The following UTY variants were observed in gnomAD, a reference collection of about 807,000 sequenced individuals.
UTY encodes ubiquitously transcribed tetratricopeptide repeat containing, Y-linked.
Under a neutral mutation model 32.5 loss-of-function variants are expected in UTY, and 12 were observed. That is an observed-to-expected ratio of 0.37 (90% CI 0.24 to 0.60). The LOEUF (loss-of-function observed/expected upper bound fraction) is 0.60. UTY is among the 20% of genes least tolerant of loss of function. UTY has a pLI of 0.69. For synonymous variants in UTY, 131 were observed against 103.4 expected (o/e 1.27, Z -1.62); for missense variants, 303 against 299.2 (o/e 1.01, Z -0.09).
At chrY:13,472,289 T>C (rs747914791) in intron 2 of UTY, among the ~76,000 whole-genome samples, 15 of 30,713 alleles carry the variant, frequency 4.9e-4, no homozygotes, top group African/African-American at 1.9e-3. Flanking sequence ...AGACACATAA[T>C]AGTCAAAAAG....
chrY:13,281,917 C>T (rs746166954), intron 27 of UTY, among the ~76,000 whole-genome samples: 112 of 33,175 alleles, frequency 3.4e-3, no homozygotes, highest in African/African-American at 0.012. Context: ...CCAAATGGAC[C>T]TGACATATAT....
intron 8 of UTY, among the ~76,000 whole-genome samples, chrY:13,375,538 A>G: frequency 2.9e-5 from 1 of 33,947 alleles, no homozygotes; most frequent in Non-Finnish European, 7.4e-5. Context: ...TCTCATTACT[A>G]TCCTTACAGT....
chrY:13,394,953 C>T (rs762847740), intron 7 of UTY, among the ~76,000 whole-genome samples: 1 of 33,000 alleles, frequency 3.0e-5, no homozygotes, highest in Admixed American at 2.8e-4. Context: ...CAGTAAGTTC[C>T]CCCATATCTA....
chrY:13,407,306 C>A (rs759865938), intron 6 of UTY, among the ~76,000 whole-genome samples: 1 of 32,271 alleles, frequency 3.1e-5, no homozygotes, highest in Non-Finnish European at 7.7e-5. Context: ...AAAAGTCGCT[C>A]TAAAATGGAA....
intron 17 of UTY, among the ~76,000 whole-genome samples, chrY:13,352,598 T>C (rs2062503147): frequency 3.0e-5 from 1 of 33,656 alleles, no homozygotes; most frequent in Non-Finnish European, 7.4e-5. Flanking sequence ...CCTGAGCCAC[T>C]GTACCAAGCC....
rs772250198 is a variant in UTY at position 13,323,651 on chromosome Y, T to C, written c.3180A>G (p.Gly1060=). The change falls in exon 21 of 30, where the codon GGA becomes GGG. Residue 1060 remains glycine, a synonymous_variant. Transcript: ENST00000545955. ...TTTCACAACGCCAGATTTTCTTTGT[T>C]CCAGTGGGATCCCAGTTTTCATCTG... The part of the protein sequence containing the change: ...QPADENWDPT[G]TKKIWRCESN... 5.0e-6 allele frequency: 2 copies of C among 397,995 alleles called. No homozygotes were observed. Among genetic ancestry groups the C allele is most frequent in the South Asian group, 5.9e-5 (2 of 33,752 alleles).
intron 6 of UTY, among the ~76,000 whole-genome samples, chrY:13,398,407 T>C: frequency 1.5e-4 from 5 of 33,350 alleles, no homozygotes; most frequent in Admixed American, 1.4e-3. Flanking sequence ...TTACGTCATA[T>C]GCAAAAGTTA....
chrY:13,454,203 A>C (rs927863921), intron 3 of UTY, among the ~76,000 whole-genome samples: 5 of 33,288 alleles, frequency 1.5e-4, no homozygotes, highest in Admixed American at 2.7e-4. Flanking sequence ...GCTGTGAGCC[A>C]AGATCACGTC....
intron 3 of UTY, among the ~76,000 whole-genome samples, chrY:13,464,765 G>A (rs2077738916): frequency 6.5e-5 from 2 of 30,654 alleles, no homozygotes; most frequent in Non-Finnish European, 1.6e-4. Context: ...CACCAGCCTC[G>A]TTGACAGAGT....
At chrY:13,368,681 A>G in intron 9 of UTY, among the ~76,000 whole-genome samples, 8 of 32,687 alleles carry the variant, frequency 2.4e-4, no homozygotes, top group Admixed American at 2.0e-3. Flanking sequence ...ATCTTTATAC[A>G]GATGGTGAGA....
At chrY:13,276,025 ATTTG>A (rs2056654655) in intron 27 of UTY, among the ~76,000 whole-genome samples, 2 of 33,587 alleles carry the variant, frequency 6.0e-5, no homozygotes, top group African/African-American at 1.2e-4. Flanking sequence ...CAGACAGACC[ATTTG>A]AAGTCAGGAG....
chrY:13,264,607 G>GT (rs2055594352), intron 27 of UTY, among the ~76,000 whole-genome samples: 4 of 32,309 alleles, frequency 1.2e-4, no homozygotes, highest in Admixed American at 2.8e-4. Flanking sequence ...ACTTTTTGAA[G>GT]TTTTTTTTTC....
intron 27 of UTY, among the ~76,000 whole-genome samples, chrY:13,292,898 G>A (rs2057836258): frequency 3.0e-5 from 1 of 32,826 alleles, no homozygotes; most frequent in Non-Finnish European, 7.5e-5. Context: ...AAAAATCCTC[G>A]GTAAAATACT....
chrY:13,365,850 CTAAT>C, intron 10 of UTY, among the ~76,000 whole-genome samples: 1 of 32,788 alleles, frequency 3.0e-5, no homozygotes, highest in East Asian at 7.8e-4. Flanking sequence ...TAATTGGGAA[CTAAT>C]TAATTAATTA....
chrY:13,479,155 T>C, intron 2 of UTY, 99 bp downstream of exon 2: 1 of 251,751 alleles, frequency 4.0e-6, no homozygotes, highest in Non-Finnish European at 6.3e-6. Flanking sequence ...CCCTTGGCCA[T>C]GGAGCAGAGC....
chrY:13,327,443 CT>C (rs2060326860), intron 18 of UTY, among the ~76,000 whole-genome samples: 2 of 33,579 alleles, frequency 6.0e-5, no homozygotes, highest in African/African-American at 2.3e-4. Context: ...AAAAATGAAA[CT>C]TTGAAATGCA....
At chrY:13,290,960 A>G in intron 27 of UTY, among the ~76,000 whole-genome samples, 3 of 29,905 alleles carry the variant, frequency 1.0e-4, no homozygotes, top group African/African-American at 4.0e-4. Flanking sequence ...GGCTCACTGC[A>G]ACCTCCGACT....
At chrY:13,423,211 A>T in intron 4 of UTY, among the ~76,000 whole-genome samples, 1 of 33,555 alleles carries the variant, frequency 3.0e-5, no homozygotes, top group Non-Finnish European at 7.4e-5. Flanking sequence ...CCAAAACACC[A>T]GGAAAAGAAT....
At chrY:13,243,522 C>T, downstream of UTY, among the ~76,000 whole-genome samples, 1 of 32,827 alleles carries the variant, frequency 3.0e-5, no homozygotes, top group Admixed American at 2.7e-4. Context: ...AGTGAACAGA[C>T]AACCCACAGA....
Sources: gnomAD v4.1 joint callset for allele counts (sites outside exome capture counted in the v4.1 genomes callset) on GRCh38, gnomAD v4.1.1 for gene constraint, MANE v1.5 for transcripts, NCBI Gene and HGNC (gene_info 2026-07-23, HGNC 2026-07-21) for gene names.